The following PRKD3 variants were observed in gnomAD, a reference collection of about 807,000 sequenced individuals.
The protein encoded by PRKD3 is serine/threonine-protein kinase D3.
PRKD3 carries 47 observed loss-of-function variants against 99.2 expected under a neutral mutation model. The ratio of observed to expected loss-of-function variants is 0.47; its 90% CI spans 0.38 to 0.60. The LOEUF is 0.60. Ranked by LOEUF, PRKD3 falls within the 20% of genes least tolerant of loss-of-function variation. The probability of loss-of-function intolerance (pLI) is 0.00; values close to 1 mark genes in which losing one functional copy is unlikely to be tolerated. For synonymous variants in PRKD3, 392 were observed against 355.4 expected (o/e 1.10, Z -1.16); for missense variants, 1,019 against 1,088.4 (o/e 0.94, Z 0.90).
chr2:37,303,384 C>T (rs1671021291), intron 2 of PRKD3, among the ~76,000 whole-genome samples: 1 of 152,142 alleles, frequency 6.6e-6, no homozygotes, highest in Non-Finnish European at 1.5e-5. Flanking sequence ...TGGTGGAGGG[C>T]AGCCACCCCA....
chr2:37,265,140 G>A (rs1273219065), intron 14 of PRKD3, among the ~76,000 whole-genome samples: 1 of 146,130 alleles, frequency 6.8e-6, no homozygotes, highest in African/African-American at 2.8e-5. Context: ...CAGCCTTTCA[G>A]GTTTGGGTGA....
rs1670386030 is a variant in PRKD3, at chr2:37,290,888, C to G, written c.539G>C (p.Arg180Pro). 2 of 1,604,750 alleles carry G rather than the reference C, an allele frequency of 1.2e-6. No individual in the cohort carries two copies. Among genetic ancestry groups the G allele is most frequent in the African/African-American group, 2.7e-5 (2 of 74,666 alleles). Residue 180 changes from arginine (R) to proline (P), a missense_variant, in exon 4 of 19, where the codon CGT becomes CCT. By Grantham distance (103) the Arg-to-Pro change is moderately radical. Coordinates refer to ENST00000234179, the MANE Select transcript of PRKD3 (RefSeq NM_005813.6). ...CACACCTTCACATTTCAGTCCTTGACGTACCAATCCCCAGAGCATCTCACC... is the reference window on the plus strand; with the variant it reads ...CACACCTTCACATTTCAGTCCTTGAGGTACCAATCCCCAGAGCATCTCACC... ...YCGEMLWGLV[R>P]QGLKCEGCGL...
At chr2:37,279,215 A>G (rs762558374) in intron 8 of PRKD3, 4 of 152,224 alleles carry the variant, frequency 2.6e-5, no homozygotes, top group African/African-American at 7.2e-5. Context: ...TTGAATTTCT[A>G]TGAACATAGT....
At chr2:37,275,174 A>C (rs1669503406) in intron 10 of PRKD3, among the ~76,000 whole-genome samples, 1 of 149,488 alleles carries the variant, frequency 6.7e-6, no homozygotes, top group Admixed American at 7.0e-5. Flanking sequence ...TTATATTTTT[A>C]GTCCACTTCC....
rs886551472 is a variant in PRKD3, at chr2:37,316,827, C to T, written c.-303G>A. 1.4e-5 allele frequency: 16 copies of T among 1,143,404 alleles called. No individual in the cohort carries two copies. In the Admixed American group the frequency reaches 2.7e-4, roughly 19 times the overall value. 70.8% of individuals were successfully genotyped at this position (1,143,404 alleles called of 1,614,324 possible). ...GCTATCCTCAGCAGGATAGAGTTGACGTAGCTTATTTACGAATCTATTTTC... is the reference window on the plus strand; with the variant it reads ...GCTATCCTCAGCAGGATAGAGTTGATGTAGCTTATTTACGAATCTATTTTC... On this transcript the variant is annotated 5_prime_UTR_variant, in exon 2 of 19. Transcript: ENST00000234179.
At chr2:37,315,430 T>C (rs988706751) in intron 2 of PRKD3, among the ~76,000 whole-genome samples, 14 of 152,156 alleles carry the variant, frequency 9.2e-5, no homozygotes, top group Non-Finnish European at 1.9e-4. Flanking sequence ...CATGGTCCTA[T>C]ATTAAATGGC....
chr2:37,320,552 C>A (rs1322440120), intron 1 of PRKD3, among the ~76,000 whole-genome samples: 2 of 151,184 alleles, frequency 1.3e-5, no homozygotes, highest in Admixed American at 1.3e-4. Context: ...GTGCCTCAGC[C>A]GCCCCAGTAG....
intron 14 of PRKD3, among the ~76,000 whole-genome samples, chr2:37,266,484 C>A (rs1668850928): frequency 6.7e-6 from 1 of 149,082 alleles, no homozygotes; most frequent in African/African-American, 2.5e-5. Flanking sequence ...TGCCACCACA[C>A]CCGGCTTTTT....
chr2:37,310,271 T>G (rs1671364432), intron 2 of PRKD3, among the ~76,000 whole-genome samples: 2 of 152,216 alleles, frequency 1.3e-5, no homozygotes, highest in African/African-American at 4.8e-5. Flanking sequence ...TGGAAACCAC[T>G]AAGATCAGAT....
intron 5 of PRKD3, among the ~76,000 whole-genome samples, chr2:37,287,643 A>AT (rs1172283509): frequency 2.0e-5 from 3 of 152,116 alleles, no homozygotes; most frequent in Non-Finnish European, 4.4e-5. Context: ...GAGTATTTGG[A>AT]TTATGTTTTA....
chr2:37,261,294 G>A (rs55942529), intron 14 of PRKD3, among the ~76,000 whole-genome samples: 6,964 of 150,814 alleles, frequency 0.046, 198 homozygotes, highest in Non-Finnish European at 0.072. Context: ...CGAGACCAGC[G>A]TAGCAAACAC....
chr2:37,320,835 C>T (rs1326660952), intron 1 of PRKD3, among the ~76,000 whole-genome samples: 1 of 152,140 alleles, frequency 6.6e-6, no homozygotes, highest in East Asian at 1.9e-4. Context: ...ACTAATTTAT[C>T]AGAACAAATT....
At chr2:37,300,942 G>A (rs1670897435) in intron 2 of PRKD3, among the ~76,000 whole-genome samples, 1 of 152,202 alleles carries the variant, frequency 6.6e-6, no homozygotes, top group East Asian at 1.9e-4. Flanking sequence ...TACTTGTTTT[G>A]CCACGTTTTT....
chr2:37,262,135 C>T (rs546509374), intron 14 of PRKD3, among the ~76,000 whole-genome samples: 1 of 152,256 alleles, frequency 6.6e-6, no homozygotes, highest in South Asian at 2.1e-4. Context: ...AAATGAGGAG[C>T]ATCCTGTACA....
rs937687871 is a variant in PRKD3 at position 37,250,912 on chromosome 2, T to C, written c.*2265A>G. ...GGTTATACAGTATCTGGAATAATCATTCAACTCCAGATTCTCTGACAGTGC... is the reference window on the plus strand; with the variant it reads ...GGTTATACAGTATCTGGAATAATCACTCAACTCCAGATTCTCTGACAGTGC... On this transcript the variant is annotated 3_prime_UTR_variant, in exon 19 of 19. Coordinates refer to ENST00000234179, the MANE Select transcript of PRKD3 (RefSeq NM_005813.6). 1 of 152,672 alleles carries C rather than the reference T, an allele frequency of 6.5e-6. No homozygotes were observed. Among genetic ancestry groups the C allele is most frequent in the African/African-American group, 2.4e-5 (1 of 41,466 alleles). 9.5% of individuals were successfully genotyped at this position (152,672 alleles called of 1,614,324 possible). A position where few individuals can be genotyped will look rare whatever the true frequency, so the allele number is the denominator to read the frequency against.
chr2:37,292,972 C>T, intron 3 of PRKD3, 161 bp downstream of exon 3: 1 of 779,098 alleles, frequency 1.3e-6, no homozygotes, highest in South Asian at 3.4e-5. Context: ...GGTGATATAA[C>T]ATGCCTGAAA....
At chr2:37,260,585 G>T (rs547708271) in intron 14 of PRKD3, among the ~76,000 whole-genome samples, 33 of 152,304 alleles carry the variant, frequency 2.2e-4, no homozygotes, top group Middle Eastern at 6.8e-3. Flanking sequence ...TAGCCGCACT[G>T]AGGGGATAGA....
At chr2:37,301,545 A>C (rs1321980535) in intron 2 of PRKD3, among the ~76,000 whole-genome samples, 2 of 151,780 alleles carry the variant, frequency 1.3e-5, no homozygotes, top group Admixed American at 1.3e-4. Context: ...GCAATCCTTT[A>C]GCCTCAGCCT....
intron 14 of PRKD3, among the ~76,000 whole-genome samples, chr2:37,266,086 T>C (rs1668818199): frequency 6.6e-6 from 1 of 152,230 alleles, no homozygotes; most frequent in South Asian, 2.1e-4. Flanking sequence ...TAATATTCTA[T>C]TTAAAGGTAG....
Sources: gnomAD v4.1 joint callset for allele counts (sites outside exome capture counted in the v4.1 genomes callset) on GRCh38, gnomAD v4.1.1 for gene constraint, MANE v1.5 for transcripts, NCBI Gene and HGNC (gene_info 2026-07-23, HGNC 2026-07-21) for gene names.